HDAC9: variants seen among roughly 807,000 people sequenced by gnomAD.
HDAC9 encodes histone deacetylase 9.
A neutral mutation model predicts 139.4 loss-of-function variants in HDAC9; 41 were observed. The observed-to-expected ratio is 0.29, with a 90% confidence interval of 0.23 to 0.38. The LOEUF is 0.38. HDAC9 is among the 10% of genes least tolerant of loss of function. HDAC9 has a pLI of 1.00. For synonymous variants in HDAC9, 517 were observed against 476.2 expected, an observed-to-expected ratio of 1.09 and a Z score of -1.12; for missense variants, 1,147 against 1,297.0, an observed-to-expected ratio of 0.88 and a Z score of 1.78.
intron 2 of HDAC9, among the ~76,000 whole-genome samples, chr7:18,498,496 T>C (rs2128145483): frequency 6.6e-6 from 1 of 152,262 alleles, no homozygotes; most frequent in East Asian, 1.9e-4. Flanking sequence ...GGTTTGTCCT[T>C]TGAGCTAACT....
chr7:18,785,707 C>A (rs888244372), intron 16 of HDAC9, among the ~76,000 whole-genome samples: 1 of 151,990 alleles, frequency 6.6e-6, no homozygotes, highest in African/African-American at 2.4e-5. Context: ...TTTTAAAATA[C>A]CATTTTATTA....
intron 1 of HDAC9, among the ~76,000 whole-genome samples, chr7:18,346,777 CA>C (rs1319025311): frequency 1.3e-5 from 2 of 152,096 alleles, no homozygotes; most frequent in Non-Finnish European, 2.9e-5. Context: ...TGATTCTCAT[CA>C]GTTATATTTC....
chr7:18,853,338 G>A (rs1198463742), intron 21 of HDAC9, among the ~76,000 whole-genome samples: 4 of 151,842 alleles, frequency 2.6e-5, no homozygotes, highest in Non-Finnish European at 5.9e-5. Flanking sequence ...CCTGGGGAGG[G>A]TTAAATCCAT....
intron 2 of HDAC9, among the ~76,000 whole-genome samples, chr7:18,165,154 G>A (rs1201705579): frequency 6.6e-6 from 1 of 152,130 alleles, no homozygotes; most frequent in South Asian, 2.1e-4. Flanking sequence ...CCAAATCTCA[G>A]AAGGAAGGAT....
At chr7:18,357,392 CT>C (rs1006282890) in intron 1 of HDAC9, among the ~76,000 whole-genome samples, 5 of 151,856 alleles carry the variant, frequency 3.3e-5, no homozygotes, top group Non-Finnish European at 7.4e-5. Flanking sequence ...CTCTGTTCTC[CT>C]TTTTTTTCCT....
chr7:18,408,295 G>A (rs773483626), intron 1 of HDAC9, among the ~76,000 whole-genome samples: 6 of 152,128 alleles, frequency 3.9e-5, no homozygotes, highest in Non-Finnish European at 5.9e-5. Context: ...CATAATTCTT[G>A]AGTTATAGAA....
chr7:18,626,635 G>A (rs193069976), intron 6 of HDAC9, among the ~76,000 whole-genome samples: 2 of 152,272 alleles, frequency 1.3e-5, no homozygotes, highest in Admixed American at 1.3e-4. Flanking sequence ...TTAGTAGGTG[G>A]TAGATACAAG....
rs1224446031 is a variant in HDAC9 at position 18,732,854 on chromosome 7, TGTGTGC to T, written c.1909+5100_1909+5105del. ...GCGTATGTGTACACACACGTGTGTA[TGTGTGC>T]GTATGTGTACACACACACGTGTGCG... is the stretch of plus-strand genomic sequence containing the variant. On this transcript the variant is annotated intron_variant, in intron 13 of 25. Coordinates refer to ENST00000686413, the MANE Select transcript of HDAC9 (RefSeq NM_178425.4). Among the ~76,000 whole-genome samples the T allele has an allele frequency of 4.1e-3, 285 of 69,392 alleles. 20 individuals are homozygous for T. Among genetic ancestry groups the T allele is most frequent in the African/African-American group, 4.6e-3 (75 of 16,236 alleles). 45.5% of individuals were successfully genotyped at this position (69,392 alleles called of 152,430 possible).
intron 2 of HDAC9, among the ~76,000 whole-genome samples, chr7:18,209,943 G>A (rs752459139): frequency 4.0e-5 from 6 of 151,792 alleles, no homozygotes; most frequent in African/African-American, 1.2e-4. Flanking sequence ...CTCGTGATCC[G>A]CCCTCCTTGG....
At chr7:18,592,817 A>T (rs1831371929) in intron 5 of HDAC9, among the ~76,000 whole-genome samples, 1 of 152,178 alleles carries the variant, frequency 6.6e-6, no homozygotes, top group Non-Finnish European at 1.5e-5. Context: ...ATTTAAAAAG[A>T]AACACGATTT....
chr7:18,901,097 A>G (rs915937432), intron 22 of HDAC9, among the ~76,000 whole-genome samples: 5 of 151,658 alleles, frequency 3.3e-5, no homozygotes, highest in Non-Finnish European at 7.4e-5. Context: ...ATTAATCATG[A>G]TCTTCTAATA....
intron 1 of HDAC9, among the ~76,000 whole-genome samples, chr7:18,434,231 A>G (rs1790960908): frequency 6.6e-6 from 1 of 152,202 alleles, no homozygotes. Flanking sequence ...TTGAAACTCG[A>G]CCCCTTCCTT....
At chr7:18,805,578 A>G (rs1266331257) in intron 17 of HDAC9, among the ~76,000 whole-genome samples, 1 of 152,210 alleles carries the variant, frequency 6.6e-6, no homozygotes, top group African/African-American at 2.4e-5. Context: ...TTCACCAACA[A>G]TGGTTGCCTG....
At chr7:18,537,023 CCTGA>C (rs1468101292) in intron 2 of HDAC9, among the ~76,000 whole-genome samples, 3 of 152,190 alleles carry the variant, frequency 2.0e-5, no homozygotes, top group South Asian at 2.1e-4. Flanking sequence ...TCCACGTTCT[CCTGA>C]CTCTCTTGGG....
chr7:18,409,621 G>A (rs989986345), intron 1 of HDAC9, among the ~76,000 whole-genome samples: 7 of 152,074 alleles, frequency 4.6e-5, no homozygotes, highest in Admixed American at 3.3e-4. Flanking sequence ...AAAAGACCGT[G>A]TTTGCTTAAT....
chr7:18,984,582 A>G (rs1785179388), intron 25 of HDAC9, among the ~76,000 whole-genome samples: 1 of 152,168 alleles, frequency 6.6e-6, no homozygotes, highest in Admixed American at 6.6e-5. Context: ...CCAATTAATC[A>G]TGGTAGAGGA....
chr7:18,090,407 A>ACT (rs758754569), intron 1 of HDAC9, among the ~76,000 whole-genome samples: 11 of 152,140 alleles, frequency 7.2e-5, no homozygotes, highest in Non-Finnish European at 1.6e-4. Flanking sequence ...GAGAACCATG[A>ACT]CTCTAATAGC....
intron 1 of HDAC9, among the ~76,000 whole-genome samples, chr7:18,377,396 T>G (rs969504615): frequency 6.6e-6 from 1 of 152,184 alleles, no homozygotes; most frequent in Non-Finnish European, 1.5e-5. Context: ...AAAATGAGCA[T>G]AAGTTTTATG....
chr7:18,600,061 G>A (rs1833546823), intron 6 of HDAC9, among the ~76,000 whole-genome samples: 1 of 151,810 alleles, frequency 6.6e-6, no homozygotes, highest in African/African-American at 2.4e-5. Context: ...ATGACAAGTG[G>A]TGCCAAGCAT....
Sources: allele counts gnomAD v4.1 joint callset (sites outside exome capture counted in the v4.1 genomes callset), GRCh38; gene constraint gnomAD v4.1.1; transcripts MANE v1.5; gene names NCBI Gene and HGNC (gene_info 2026-07-23, HGNC 2026-07-21).